Variants in CHMP2B observed in about 807,000 individuals in gnomAD.
CHMP2B encodes the protein VPS2 homolog B.
Under a neutral mutation model 29.8 loss-of-function variants are expected in CHMP2B, and 22 were observed. The observed-to-expected ratio is 0.74, with a 90% CI of 0.53 to 1.05. The LOEUF (loss-of-function observed/expected upper bound fraction) is 1.05. Among genes scored for constraint, CHMP2B ranks in the 50% least tolerant of loss-of-function variants. The pLI, the probability that CHMP2B is intolerant of heterozygous loss-of-function variation, is 0.00. For missense variants in CHMP2B, 261 were observed against 252.2 expected (o/e 1.03, Z -0.24); for synonymous variants, 78 against 75.8 (o/e 1.03, Z -0.15).
At chr3:87,250,855 C>G (rs1009707361) in intron 4 of CHMP2B, among the ~76,000 whole-genome samples, 3 of 151,718 alleles carry the variant, frequency 2.0e-5, no homozygotes, top group African/African-American at 7.3e-5. Context: ...CCAATTCTTT[C>G]CGGAAGACTA....
chr3:87,246,818 A>G (rs935277205), intron 3 of CHMP2B, among the ~76,000 whole-genome samples: 1 of 152,230 alleles, frequency 6.6e-6, no homozygotes, highest in Non-Finnish European at 1.5e-5. Context: ...TAAGACAGAA[A>G]CTGTGCTTTC....
Position 87,248,237 on chromosome 3 carries a change from G to T in CHMP2B, c.322-1638G>T, listed in dbSNP as rs149493590. On this transcript the variant is annotated intron_variant, in intron 3 of 5. Transcript: ENST00000263780. ...TGCAGAAACCTGAGAGGCAGAGGTT[G>T]CAGTGAGCTGAGATCACGCCACTGC... Among the ~76,000 whole-genome samples, 1,345 of 151,982 alleles carry T rather than the reference G, an allele frequency of 8.8e-3. 14 individuals carry two copies. Among genetic ancestry groups the T allele is most frequent in the Non-Finnish European group, 0.013 (915 of 67,946 alleles).
Position 87,241,084 on chromosome 3 carries a change from A to G in CHMP2B, c.126+294A>G, listed in dbSNP as rs570281214. On this transcript the variant is annotated intron_variant, in intron 2 of 5. Transcript: ENST00000263780. ...TTGCTCAAGACAGAACCACCTTCTTAGTTAACAGGAAGATGAAATAGTCAT... is the reference window on the plus strand; with the variant it reads ...TTGCTCAAGACAGAACCACCTTCTTGGTTAACAGGAAGATGAAATAGTCAT... 6.6e-5 allele frequency among the ~76,000 whole-genome samples: 10 copies of G among 152,316 alleles called. No homozygotes were observed. In the South Asian group the frequency reaches 2.1e-3, roughly 32 times the overall value.
intron 3 of CHMP2B, among the ~76,000 whole-genome samples, chr3:87,249,475 CT>C (rs1706275631): frequency 6.6e-6 from 1 of 151,662 alleles, no homozygotes; most frequent in African/African-American, 2.4e-5. Context: ...ATCTTCTAAT[CT>C]TTTTTAATTT....
rs1056391832 is a variant in CHMP2B at position 87,253,399 on chromosome 3, C to A, written c.425-5C>A. 8.4e-6 allele frequency: 13 copies of A among 1,551,046 alleles called. No homozygotes were observed. Among genetic ancestry groups the A allele is most frequent in the Non-Finnish European group, 1.2e-5 (13 of 1,122,892 alleles). On this transcript the variant is annotated splice_polypyrimidine_tract_variant and splice_region_variant and intron_variant, in intron 4 of 5. Coordinates refer to ENST00000263780, the MANE Select transcript of CHMP2B (RefSeq NM_014043.4). The stretch of plus-strand genomic sequence containing the variant: ...CTGCTTTGCTCCTTCTCCCATATCC[C>A]CTAGTCAATGATACACTTGATGACA...
chr3:87,237,529 G>A (rs753167786), intron 1 of CHMP2B, among the ~76,000 whole-genome samples: 8 of 152,142 alleles, frequency 5.3e-5, no homozygotes, highest in African/African-American at 9.7e-5. Context: ...TCTACTTTGC[G>A]ATATTTCATT....
At chr3:87,240,875 C>A in intron 2 of CHMP2B, 85 bp downstream of exon 2, 2 of 957,436 alleles carry the variant, frequency 2.1e-6, no homozygotes, top group Admixed American at 1.7e-5. Flanking sequence ...AGGAAGAAGG[C>A]ACATGGCAGG....
rs1281829842 is a variant in CHMP2B, at chr3:87,240,740, A to C, written c.76A>C (p.Arg26=). The change falls in exon 2 of 6, where the codon AGG becomes CGG. Residue 26 remains arginine (R), a synonymous_variant. Transcript: ENST00000263780. ...EQNRELRGTQ[R]AIIRDRAALE... is the part of the protein sequence containing the mutation. ...GAATCGAGAGTTACGAGGTACACAG[A>C]GGGCTATAATCAGAGATCGAGCAGC... 6 of 1,613,618 alleles carry C rather than the reference A, an allele frequency of 3.7e-6. No homozygotes were observed. In the Admixed American group the frequency reaches 1.0e-4, roughly 27 times the overall value.
chr3:87,238,163 GA>G (rs1706048702), intron 1 of CHMP2B, among the ~76,000 whole-genome samples: 2 of 152,196 alleles, frequency 1.3e-5, no homozygotes, highest in East Asian at 3.9e-4. Flanking sequence ...TATAACTATA[GA>G]ATAACTATAA....
chr3:87,234,464 T>C (rs1226109322), intron 1 of CHMP2B, among the ~76,000 whole-genome samples: 2 of 152,160 alleles, frequency 1.3e-5, no homozygotes, highest in Non-Finnish European at 2.9e-5. Context: ...AGACTTGAGA[T>C]AGGCTTTTAA....
At chr3:87,242,732 C>G (rs917955287) in intron 2 of CHMP2B, among the ~76,000 whole-genome samples, 1 of 152,116 alleles carries the variant, frequency 6.6e-6, no homozygotes, top group Non-Finnish European at 1.5e-5. Flanking sequence ...CCCTTGTCGT[C>G]TTTGTGGAAA....
chr3:87,228,463 A>C (rs575738363), intron 1 of CHMP2B, among the ~76,000 whole-genome samples: 46 of 152,328 alleles, frequency 3.0e-4, no homozygotes, highest in African/African-American at 1.1e-3. Context: ...ACTTCTTTGT[A>C]AGGGTCTAAT....
At chr3:87,227,745 C>T (rs1705839948) in intron 1 of CHMP2B, among the ~76,000 whole-genome samples, 189 bp downstream of exon 1, 2 of 152,232 alleles carry the variant, frequency 1.3e-5, no homozygotes, top group Admixed American at 1.3e-4. Context: ...CTTAGGCTCA[C>T]CTAGGCAGTC....
chr3:87,229,515 G>A (rs948139011), intron 1 of CHMP2B, among the ~76,000 whole-genome samples: 10 of 151,806 alleles, frequency 6.6e-5, no homozygotes, highest in African/African-American at 1.5e-4. Context: ...CTGTATTTTC[G>A]TTATTTTGAT....
At chr3:87,246,286 C>T (rs1201739229) in intron 3 of CHMP2B, among the ~76,000 whole-genome samples, 1 of 151,810 alleles carries the variant, frequency 6.6e-6, no homozygotes, top group Non-Finnish European at 1.5e-5. Flanking sequence ...TACAGGCATG[C>T]ACCTCCACAC....
intron 2 of CHMP2B, 26 bp downstream of exon 2, chr3:87,240,816 T>C: frequency 6.4e-7 from 1 of 1,571,534 alleles, no homozygotes; most frequent in Non-Finnish European, 8.8e-7. Flanking sequence ...AATTTCAGTT[T>C]AACTTTTCAA....
chr3:87,253,478 C>T lies in CHMP2B; in HGVS notation c.499C>T (p.Leu167Phe). The T allele has an allele frequency of 6.2e-7, 1 of 1,611,120 alleles. No individual in the cohort carries two copies. The highest frequency in any genetic ancestry group is 8.5e-7 in the Non-Finnish European group (1 of 1,177,616). The change falls in exon 5 of 6, where the codon CTT (leucine) becomes TTT (phenylalanine). Residue 167 changes from leucine (L) to phenylalanine (F), a missense_variant. Transcript: ENST00000263780. ...AAGCCAGGATATTGTGAATCAAGTTCTTGATGAAATTGGAATTGAAATTTC... is the reference window on the plus strand; with the variant it reads ...AAGCCAGGATATTGTGAATCAAGTTTTTGATGAAATTGGAATTGAAATTTC... The part of the protein sequence containing the change: ...EESQDIVNQV[L>F]DEIGIEISGK...
chr3:87,231,184 A>G (rs1705904243), intron 1 of CHMP2B, among the ~76,000 whole-genome samples: 1 of 152,122 alleles, frequency 6.6e-6, no homozygotes, highest in Non-Finnish European at 1.5e-5. Flanking sequence ...GTTTCAGGCC[A>G]GATATCCAAC....
chr3:87,250,063 C>T (rs1398297899), intron 4 of CHMP2B, 86 bp downstream of exon 4: 19 of 787,262 alleles, frequency 2.4e-5, no homozygotes, highest in African/African-American at 5.3e-5. Flanking sequence ...TTCTCATTCA[C>T]GAAGGCAGAA....
Sources: allele counts gnomAD v4.1 joint callset (sites outside exome capture counted in the v4.1 genomes callset), GRCh38; gene constraint gnomAD v4.1.1; transcripts MANE v1.5; gene names NCBI Gene and HGNC (gene_info 2026-07-23, HGNC 2026-07-21).